The following STAMBP variants were observed in gnomAD, a reference collection of about 807,000 sequenced individuals.
STAMBP encodes the protein STAM-binding protein.
STAMBP carries 31 observed loss-of-function variants against 50.7 expected under a neutral mutation model. The ratio of observed to expected loss-of-function variants is 0.61; its 90% CI spans 0.46 to 0.83. The LOEUF is 0.83. Ranked by LOEUF, STAMBP falls within the 40% of genes least tolerant of loss-of-function variation. STAMBP has a pLI of 0.00. For missense variants in STAMBP, 472 were observed against 518.9 expected (o/e 0.91, Z 0.88); for synonymous variants, 211 against 192.4 (o/e 1.10, Z -0.80).
At position 73,863,922 on chromosome 2, in the gene STAMBP, G is replaced by A. The variant is rs904264346; in HGVS notation, c.*1663G>A. 3 of 152,194 alleles carry A rather than the reference G, an allele frequency of 2.0e-5. No homozygotes were observed. The highest frequency in any genetic ancestry group is 7.2e-5 in the African/African-American group (3 of 41,430). 9.4% of individuals were successfully genotyped at this position (152,194 alleles called of 1,614,324 possible). ...GAGAAGCTTCTCACATTCCAGCCAT[G>A]TTCATGTTTTCTCTCTTGCTCAAAA... On this transcript the variant is annotated 3_prime_UTR_variant, in exon 10 of 10. Transcript: ENST00000394070.
intron 5 of STAMBP, 133 bp downstream of exon 5, chr2:73,847,886 T>C (rs887461225): frequency 5.0e-6 from 6 of 1,191,912 alleles, no homozygotes. Context: ...CTGATAAGTA[T>C]TGCTGTACTG....
intron 9 of STAMBP, chr2:73,860,629 G>C: frequency 4.6e-6 from 4 of 861,630 alleles, no homozygotes; most frequent in Non-Finnish European, 4.2e-6. Flanking sequence ...TTAAATCATA[G>C]GGGCTTTACG....
intron 1 of STAMBP, 71 bp downstream of exon 1, chr2:73,829,581 CTT>C (rs1673644728): frequency 6.6e-6 from 1 of 152,192 alleles, no homozygotes; most frequent in African/African-American, 2.4e-5. Flanking sequence ...TTACTAATTA[CTT>C]GGGGAGGTTT....
intron 2 of STAMBP, 30 bp downstream of exon 2, chr2:73,831,089 T>C (rs1383059616): frequency 6.3e-7 from 1 of 1,581,702 alleles, no homozygotes; most frequent in Non-Finnish European, 8.7e-7. Context: ...CTTTTTCCTT[T>C]CTGGTGACTG....
intron 5 of STAMBP, among the ~76,000 whole-genome samples, chr2:73,848,912 T>C (rs1269889552): frequency 1.3e-5 from 2 of 152,192 alleles, no homozygotes; most frequent in African/African-American, 4.8e-5. Context: ...TTTTAAGTTT[T>C]TGTGGGTACA....
At position 73,850,296 on chromosome 2, in the gene STAMBP, C is replaced by A; in HGVS notation, c.868-80C>A. The A allele has an allele frequency of 6.6e-7, 1 of 1,522,468 alleles. No individual in the cohort carries two copies. The highest frequency in any genetic ancestry group is 8.8e-7 in the Non-Finnish European group (1 of 1,132,056). The allele number at this position is 1,522,468 out of a possible 1,614,324, so 94.3% of individuals were successfully genotyped here. On this transcript the variant is annotated intron_variant, in intron 6 of 9. Coordinates refer to ENST00000394070, the MANE Select transcript of STAMBP (RefSeq NM_213622.4). The surrounding 1 kb of genome is among the most constrained non-coding windows in gnomAD (Gnocchi z 4.3). ...GGGCTTTCACTTGTATAGATGCTTACCTTTCCACTGTCGGGATGGAGTGGA... is the reference window on the plus strand; with the variant it reads ...GGGCTTTCACTTGTATAGATGCTTAACTTTCCACTGTCGGGATGGAGTGGA...
rs896622673 is a variant in STAMBP, at chr2:73,862,550, C to T, written c.*291C>T. ...AAGAAAGAATGGTATAATGAACCCCCATATACCCTTCCTTCTGGATTCACC... is the reference window on the plus strand; with the variant it reads ...AAGAAAGAATGGTATAATGAACCCCTATATACCCTTCCTTCTGGATTCACC... On this transcript the variant is annotated 3_prime_UTR_variant, in exon 10 of 10. Transcript: ENST00000394070. The T allele has an allele frequency of 3.2e-5, 7 of 216,112 alleles. No homozygotes were observed. The highest frequency in any genetic ancestry group is 5.6e-5 in the Admixed American group (1 of 17,930). 13.4% of individuals were successfully genotyped at this position (216,112 alleles called of 1,614,324 possible).
chr2:73,840,822 T>G (rs1023256785), intron 2 of STAMBP, among the ~76,000 whole-genome samples: 6 of 152,096 alleles, frequency 3.9e-5, no homozygotes, highest in Non-Finnish European at 8.8e-5. Flanking sequence ...TTTTAAATTT[T>G]GAATAATTAG....
At chr2:73,853,710 A>C (rs921322174) in intron 7 of STAMBP, among the ~76,000 whole-genome samples, 18 of 152,240 alleles carry the variant, frequency 1.2e-4, no homozygotes, top group African/African-American at 4.3e-4. Context: ...CAACAGAGCG[A>C]GACTTGGTCT....
At chr2:73,849,605 C>A in intron 6 of STAMBP, 118 bp downstream of exon 6, 1 of 1,295,332 alleles carries the variant, frequency 7.7e-7, no homozygotes, top group Non-Finnish European at 1.0e-6. Flanking sequence ...ACCAAGGAAC[C>A]GTGGACTGCA....
chr2:73,850,256 C>G lies in STAMBP; in HGVS notation c.868-120C>G. 1 of 1,323,184 alleles carries G rather than the reference C, an allele frequency of 7.6e-7. No individual in the cohort carries two copies. The highest frequency in any genetic ancestry group is 1.0e-6 in the Non-Finnish European group (1 of 973,084). 82.0% of individuals were successfully genotyped at this position (1,323,184 alleles called of 1,614,324 possible). On this transcript the variant is annotated intron_variant, in intron 6 of 9. Coordinates refer to ENST00000394070, the MANE Select transcript of STAMBP (RefSeq NM_213622.4). This position sits in a 1 kb window ranked among gnomAD's most constrained non-coding sequence, Gnocchi z 4.3. ...TTGTGAACCACTGAGTGGCAGGACT[C>G]CTGCTGTGTGGGAAGGGCTTTCACT...
At chr2:73,844,225 A>T (rs1167583174) in intron 2 of STAMBP, among the ~76,000 whole-genome samples, 2 of 152,234 alleles carry the variant, frequency 1.3e-5, no homozygotes, top group Non-Finnish European at 2.9e-5. Flanking sequence ...TTTTCATCAA[A>T]GACAGTGCAT....
chr2:73,834,222 AAAAAAAAAAAAAAAATATATATAT>A (rs1243915014), intron 2 of STAMBP, among the ~76,000 whole-genome samples: 1,095 of 26,928 alleles, frequency 0.041, 53 homozygotes, highest in Non-Finnish European at 0.066. Flanking sequence ...AAAAAAAAAA[AAAAAAAAAAAAAAAATATATATAT>A]ATATATATAT....
chr2:73,845,850 T>A (rs554423431), intron 4 of STAMBP, among the ~76,000 whole-genome samples: 1 of 152,338 alleles, frequency 6.6e-6, no homozygotes, highest in African/African-American at 2.4e-5. Context: ...CAAGATGGTC[T>A]CAAACTCCTG....
downstream of STAMBP, among the ~76,000 whole-genome samples, chr2:73,870,673 C>G (rs1251945191): frequency 6.6e-6 from 1 of 152,188 alleles, no homozygotes; most frequent in Non-Finnish European, 1.5e-5. Context: ...CTTAGATATC[C>G]CTCCATAATT....
At chr2:73,844,602 G>A (rs1675829103) in intron 2 of STAMBP, 3 of 362,068 alleles carry the variant, frequency 8.3e-6, no homozygotes, top group Non-Finnish European at 1.5e-5. Context: ...GGTGCTTGCT[G>A]CCTAGTTTGG....
intron 2 of STAMBP, among the ~76,000 whole-genome samples, chr2:73,835,214 C>T (rs886530103): frequency 2.0e-5 from 3 of 152,014 alleles, no homozygotes; most frequent in Non-Finnish European, 2.9e-5. Context: ...CTTAGCCGGG[C>T]GTGGTGGCCC....
chr2:73,868,199 T>TAC (rs888410751), downstream of STAMBP, among the ~76,000 whole-genome samples: 62 of 150,840 alleles, frequency 4.1e-4, 1 homozygote, highest in Middle Eastern at 3.5e-3. Flanking sequence ...ATAAATTGTG[T>TAC]ACACACACAC....
At position 73,845,259 on chromosome 2, in the gene STAMBP, A is replaced by C. The variant is rs999677915; in HGVS notation, c.372A>C (p.Glu124Asp). The change falls in exon 4 of 10, where the codon GAA becomes GAC. Residue 124 changes from glutamate to aspartate, a missense_variant. Coordinates refer to ENST00000394070, the MANE Select transcript of STAMBP (RefSeq NM_213622.4). ...YTKEYTEYNE[E>D]KKKEAEELAR... ...AAGAATATACAGAATATAATGAAGA[A>C]AAGGTCAGTATATAACAGCTAAGAA... 6.2e-7 allele frequency: 1 copy of C among 1,606,906 alleles called. No individual in the cohort carries two copies. Among genetic ancestry groups the C allele is most frequent in the African/African-American group, 1.3e-5 (1 of 74,804 alleles).
Sources: allele counts gnomAD v4.1 joint callset (sites outside exome capture counted in the v4.1 genomes callset), GRCh38; gene constraint gnomAD v4.1.1; non-coding constraint Gnocchi (gnomAD v3.1); transcripts MANE v1.5; gene names NCBI Gene and HGNC (gene_info 2026-07-23, HGNC 2026-07-21).